Variants in USP34 observed in about 807,000 individuals in gnomAD.
USP34 encodes the protein ubiquitin specific peptidase 34.
In USP34, 70 loss-of-function variants were observed where a neutral mutation model predicts 460.3. The observed-to-expected ratio is 0.15, with a 90% confidence interval of 0.13 to 0.19. The LOEUF (loss-of-function observed/expected upper bound fraction) is 0.19. Among genes scored for constraint, USP34 ranks in the 10% least tolerant of loss-of-function variants. The probability of loss-of-function intolerance (pLI) is 1.00; values close to 1 mark genes in which losing one functional copy is unlikely to be tolerated. For missense variants in USP34, 3,985 were observed against 4,236.2 expected (o/e 0.94, Z 1.65); for synonymous variants, 1,647 against 1,405.3 (o/e 1.17, Z -3.85).
rs1686545575 is a variant in USP34, at chr2:61,189,252, A to G, written c.9874-183T>C. The G allele has an allele frequency of 3.6e-5, 20 of 560,592 alleles. 1 individual carries two copies. The East Asian group carries it at 6.1e-4, about 17-fold the overall frequency. The allele number at this position is 560,592 out of a possible 1,614,324, so 34.7% of individuals were successfully genotyped here. A position where few individuals can be genotyped will look rare whatever the true frequency, so the allele number is the denominator to read the frequency against. ...CAGTGTTAAGATACTACAGCATTTC[A>G]TTAGTTGTTTTTTTTTTTTGTTTTG... On this transcript the variant is annotated intron_variant, in intron 78 of 79. Transcript: ENST00000398571.
intron 19 of USP34, among the ~76,000 whole-genome samples, 176 bp from the exon 20 acceptor site, chr2:61,331,547 T>C (rs2694632): frequency 0.37 from 55,620 of 151,790 alleles, 10,193 homozygotes; most frequent in African/African-American, 0.38. Context: ...GCAATGTTCC[T>C]TCATTTTTAT....
chr2:61,298,537 CAAAAAAAAAAAAAAAA>C (rs57087400), intron 29 of USP34, among the ~76,000 whole-genome samples: 12 of 28,286 alleles, frequency 4.2e-4, no homozygotes, highest in Admixed American at 3.5e-3. Context: ...GACTCTGTCT[CAAAAAAAAAAAAAAAA>C]AAAAAAAAAA....
At chr2:61,316,841 A>G (rs1690765787) in intron 23 of USP34, among the ~76,000 whole-genome samples, 1 of 151,876 alleles carries the variant, frequency 6.6e-6, no homozygotes, top group South Asian at 2.1e-4. Flanking sequence ...AGCTGAGATC[A>G]CACCACTGCA....
chr2:61,225,257 A>G (rs947493786), intron 62 of USP34, among the ~76,000 whole-genome samples: 4 of 152,130 alleles, frequency 2.6e-5, no homozygotes, highest in African/African-American at 7.2e-5. Context: ...TTGGTTTCCA[A>G]TGACATTAAC....
At chr2:61,367,099 A>G (rs1019375380) in intron 10 of USP34, among the ~76,000 whole-genome samples, 1 of 152,186 alleles carries the variant, frequency 6.6e-6, no homozygotes, top group African/African-American at 2.4e-5. Context: ...AGAGATATGA[A>G]TATGTAACAG....
At chr2:61,420,358 A>C (rs1694320245) in intron 2 of USP34, among the ~76,000 whole-genome samples, 1 of 152,216 alleles carries the variant, frequency 6.6e-6, no homozygotes, top group Admixed American at 6.5e-5. Context: ...AATACACATA[A>C]TTATAGAAAC....
chr2:61,264,617 G>T (rs1688991464), intron 43 of USP34, among the ~76,000 whole-genome samples: 1 of 152,046 alleles, frequency 6.6e-6, no homozygotes, highest in Non-Finnish European at 1.5e-5. Flanking sequence ...CTCCAGTCAG[G>T]GTGACAGACA....
chr2:61,319,053 C>A, intron 22 of USP34, 120 bp downstream of exon 22: 2 of 968,004 alleles, frequency 2.1e-6, no homozygotes, highest in East Asian at 3.0e-5. Context: ...TGCTAAAATT[C>A]ATTACATTTG....
Position 61,229,568 on chromosome 2 carries a change from C to T in USP34, c.7179G>A (p.Leu2393=), listed in dbSNP as rs1358475652. ...CTTACCCATCTTCCATTCCTGGCTG[C>T]AAATAGAGATGAGCATGCACAGGTC... ...RLRPVHAHLY[L]QPGMEDGSDD... The change falls in exon 59 of 80, where the codon TTG becomes TTA. Residue 2393 remains leucine, a synonymous_variant. Transcript: ENST00000398571. 1 of 1,609,328 alleles carries T rather than the reference C, an allele frequency of 6.2e-7. No homozygotes were observed. The highest frequency in any genetic ancestry group is 8.5e-7 in the Non-Finnish European group (1 of 1,177,990).
intron 74 of USP34, among the ~76,000 whole-genome samples, chr2:61,203,563 TAA>T (rs1279191281): frequency 6.6e-6 from 1 of 152,152 alleles, no homozygotes; most frequent in Non-Finnish European, 1.5e-5. Context: ...AAAAATGAAT[TAA>T]GTTTGACTTT....
intron 39 of USP34, among the ~76,000 whole-genome samples, chr2:61,279,930 AG>A (rs1459662252): frequency 6.6e-6 from 1 of 152,246 alleles, no homozygotes; most frequent in Non-Finnish European, 1.5e-5. Context: ...ATGCTATTAT[AG>A]AAAGCTGTAT....
chr2:61,250,036 C>T (rs1055282077), intron 48 of USP34, among the ~76,000 whole-genome samples: 3 of 152,052 alleles, frequency 2.0e-5, no homozygotes, highest in African/African-American at 7.2e-5. Flanking sequence ...CTGCTTGAGG[C>T]CAGGAGTTCG....
intron 75 of USP34, among the ~76,000 whole-genome samples, chr2:61,195,021 G>A (rs1234775851): frequency 1.3e-5 from 2 of 151,600 alleles, no homozygotes; most frequent in Non-Finnish European, 2.9e-5. Flanking sequence ...CACTTTGGGA[G>A]GCCGAGGCAG....
chr2:61,284,150 TA>T (rs1258134424), intron 35 of USP34, among the ~76,000 whole-genome samples: 17 of 152,174 alleles, frequency 1.1e-4, no homozygotes, highest in African/African-American at 4.1e-4. Flanking sequence ...TTTGAATGAA[TA>T]AAACATTGAC....
intron 5 of USP34, among the ~76,000 whole-genome samples, chr2:61,389,146 C>T (rs1398673691): frequency 2.0e-5 from 3 of 151,992 alleles, no homozygotes; most frequent in African/African-American, 7.2e-5. Context: ...GGAGAATGAT[C>T]AGCATTAAAG....
At chr2:61,369,642 CAAAAAA>C (rs57947331) in intron 10 of USP34, among the ~76,000 whole-genome samples, 8 of 43,446 alleles carry the variant, frequency 1.8e-4, no homozygotes, top group Admixed American at 1.7e-3. Context: ...GATTCCGTCT[CAAAAAA>C]AAAAAAAAAA....
rs1230753188 is a variant in USP34, at chr2:61,350,235, C to T, written c.1507+25G>A. 5 of 1,573,188 alleles carry T rather than the reference C, an allele frequency of 3.2e-6. No homozygotes were observed. The Admixed American group carries it at 7.5e-5, about 24-fold the overall frequency. Reference sequence around the variant, plus strand: ...TGAGTGAGAAGCTCTCAACAATTTACTTCAAAATACATGACATTACTAACC... The same window carrying T: ...TGAGTGAGAAGCTCTCAACAATTTATTTCAAAATACATGACATTACTAACC... On this transcript the variant is annotated intron_variant, in intron 12 of 79. Coordinates refer to ENST00000398571, the MANE Select transcript of USP34 (RefSeq NM_014709.4).
chr2:61,429,580 T>C (rs1157006592), intron 1 of USP34, among the ~76,000 whole-genome samples: 3 of 151,990 alleles, frequency 2.0e-5, no homozygotes, highest in Admixed American at 6.6e-5. Flanking sequence ...TGAGCTATAA[T>C]GGCACCACAT....
chr2:61,433,680 G>A (rs1694738282), intron 1 of USP34, among the ~76,000 whole-genome samples: 1 of 152,086 alleles, frequency 6.6e-6, no homozygotes, highest in Non-Finnish European at 1.5e-5. Context: ...GTCCTTGCAA[G>A]CCCTGAGCCC....
Sources: gnomAD v4.1 joint callset for allele counts (sites outside exome capture counted in the v4.1 genomes callset) on GRCh38, gnomAD v4.1.1 for gene constraint, MANE v1.5 for transcripts, NCBI Gene and HGNC (gene_info 2026-07-23, HGNC 2026-07-21) for gene names.